Variants in TLN2 observed in about 807,000 individuals in gnomAD.
TLN2 encodes the protein talin 2.
In TLN2, 118 loss-of-function variants were observed where a neutral mutation model predicts 294.7. That is an observed-to-expected ratio of 0.40 (90% CI 0.34 to 0.47). The LOEUF (loss-of-function observed/expected upper bound fraction) is 0.47, where lower values mean the gene tolerates loss of function less well. Ranked by LOEUF, TLN2 falls within the 20% of genes least tolerant of loss-of-function variation. The probability of loss-of-function intolerance (pLI) is 0.84; values close to 1 mark genes in which losing one functional copy is unlikely to be tolerated. For missense variants in TLN2, 3,083 were observed against 3,282.2 expected (o/e 0.94, Z 1.48); for synonymous variants, 1,431 against 1,304.5 (o/e 1.10, Z -2.09).
intron 28 of TLN2, among the ~76,000 whole-genome samples, chr15:62,729,961 C>A (rs1029290961): frequency 1.3e-5 from 2 of 151,086 alleles, no homozygotes; most frequent in Non-Finnish European, 2.9e-5. Context: ...TTACCTCTTC[C>A]TGCATAATGC....
rs551939398 is a variant in TLN2, at chr15:62,843,630, A to C, written c.*3020A>C. ...ACCCTTCGAGCTTCTTCTGATTCTC[A>C]CCTGCTTGCTTTCTGGCTGTCTTAG... On this transcript the variant is annotated 3_prime_UTR_variant, in exon 59 of 59. Coordinates refer to ENST00000636159, the MANE Select transcript of TLN2 (RefSeq NM_015059.3). 6.6e-6 allele frequency: 1 copy of C among 152,362 alleles called. No individual in the cohort carries two copies. Among genetic ancestry groups the C allele is most frequent in the Non-Finnish European group, 1.5e-5 (1 of 68,072 alleles). 9.4% of individuals were successfully genotyped at this position (152,362 alleles called of 1,614,324 possible).
intron 11 of TLN2, among the ~76,000 whole-genome samples, chr15:62,682,622 A>C (rs2056935019): frequency 2.6e-5 from 4 of 152,192 alleles, no homozygotes; most frequent in Admixed American, 2.6e-4. Context: ...AAATAAGTTA[A>C]TACAGAAAAA....
At chr15:62,681,461 G>A (rs1288570764) in intron 11 of TLN2, among the ~76,000 whole-genome samples, 1 of 152,120 alleles carries the variant, frequency 6.6e-6, no homozygotes, top group Non-Finnish European at 1.5e-5. Context: ...GGTTTCATGT[G>A]CTTAGAGCTG....
chr15:62,702,052 A>G lies in TLN2; in HGVS notation c.1757A>G (p.Asn586Ser). 7 of 1,614,132 alleles carry G rather than the reference A, an allele frequency of 4.3e-6. No individual in the cohort carries two copies. The highest frequency in any genetic ancestry group is 4.5e-5 in the East Asian group (2 of 44,882). The change falls in exon 18 of 59, where the codon AAC becomes AGC. Residue 586 changes from asparagine (N) to serine (S), a missense_variant. Asn to Ser is a conservative substitution (Grantham distance 46). Coordinates refer to ENST00000636159, the MANE Select transcript of TLN2 (RefSeq NM_015059.3). ...VGCAITTISS[N>S]LTEMSKGVKL... ...TGTGCGATCACCACTATTTCTTCCA[A>G]CCTGACGGAGATGTCCAAGGGTGTG...
intron 5 of TLN2, among the ~76,000 whole-genome samples, chr15:62,650,477 A>G (rs1021685986): frequency 1.3e-5 from 2 of 152,210 alleles, no homozygotes; most frequent in African/African-American, 4.8e-5. Flanking sequence ...TATGGAAGAG[A>G]TATTCCTATG....
chr15:62,667,133 T>A (rs190275951), intron 9 of TLN2, among the ~76,000 whole-genome samples: 2 of 151,938 alleles, frequency 1.3e-5, no homozygotes, highest in African/African-American at 4.8e-5. Flanking sequence ...GCCCGGCTAA[T>A]TTTTTGTATT....
intron 1 of TLN2, among the ~76,000 whole-genome samples, chr15:62,452,108 C>T (rs537708040): frequency 6.6e-6 from 1 of 151,350 alleles, no homozygotes; most frequent in Admixed American, 6.6e-5. Context: ...TTTCTTAGAG[C>T]TGAGCATGGG....
intron 19 of TLN2, among the ~76,000 whole-genome samples, chr15:62,706,088 C>A (rs1461938067): frequency 6.6e-6 from 1 of 152,182 alleles, no homozygotes; most frequent in African/African-American, 2.4e-5. Context: ...CATTTAGAAT[C>A]AAATGTGCTC....
chr15:62,763,560 C>T lies in TLN2; in HGVS notation c.4962-3C>T. 1 of 1,603,692 alleles carries T rather than the reference C, an allele frequency of 6.2e-7. No homozygotes were observed. The highest frequency in any genetic ancestry group is 1.1e-5 in the South Asian group (1 of 90,608). On this transcript the variant is annotated splice_polypyrimidine_tract_variant and splice_region_variant and intron_variant, in intron 39 of 58. Coordinates refer to ENST00000636159, the MANE Select transcript of TLN2 (RefSeq NM_015059.3). Reference sequence around the variant, plus strand: ...TGTGTCCAACTTGCACTATTCCTTCCAGGGACAAGGCCCCTGGACAGAGGG... The same window carrying T: ...TGTGTCCAACTTGCACTATTCCTTCTAGGGACAAGGCCCCTGGACAGAGGG...
At chr15:62,453,677 C>T (rs944504088) in intron 1 of TLN2, 7 of 152,252 alleles carry the variant, frequency 4.6e-5, no homozygotes, top group Non-Finnish European at 7.4e-5. Context: ...TTTGGTGGTA[C>T]TTTGAATCAG....
At position 62,708,575 on chromosome 15, in the gene TLN2, C is replaced by A; in HGVS notation, c.2246C>A (p.Ser749Ter). ...LIEAGKLVDR[S>*]VENCVRACQA... ...GAAGCAGGGAAGCTGGTGGACCGCTCGGTGGAGAACTGTGTCCGTGCCTGC... is the reference window on the plus strand; with the variant it reads ...GAAGCAGGGAAGCTGGTGGACCGCTAGGTGGAGAACTGTGTCCGTGCCTGC... The change falls in exon 21 of 59, where the codon TCG becomes TAG. Residue 749 changes from serine (S) to a stop codon, truncating the protein, a stop_gained. Transcript: ENST00000636159. LOFTEE classifies it high-confidence loss of function. 1 of 1,614,150 alleles carries A rather than the reference C, an allele frequency of 6.2e-7. No individual in the cohort carries two copies. Among genetic ancestry groups the A allele is most frequent in the Non-Finnish European group, 8.5e-7 (1 of 1,180,030 alleles).
At chr15:62,809,867 G>T in intron 51 of TLN2, 58 bp from the exon 52 acceptor site, 1 of 1,540,076 alleles carries the variant, frequency 6.5e-7, no homozygotes, top group South Asian at 1.2e-5. Flanking sequence ...CTGAGTCTGG[G>T]ACTGCCCAAT....
chr15:62,689,846 CTTTTTTTTTTTTTTTTT>C (rs1158144919), intron 12 of TLN2, among the ~76,000 whole-genome samples: 6 of 15,414 alleles, frequency 3.9e-4, no homozygotes, highest in Admixed American at 1.6e-3. Context: ...GTATGGGCTT[CTTTTTTTTTTTTTTTTT>C]TTTTTTTTTT....
At chr15:62,398,075 T>A (rs1389295967) in intron 1 of TLN2, among the ~76,000 whole-genome samples, 1 of 152,218 alleles carries the variant, frequency 6.6e-6, no homozygotes, top group African/African-American at 2.4e-5. Context: ...TTTGGCTGTG[T>A]ACCCATGCAG....
chr15:62,829,518 T>A (rs2141237995), intron 54 of TLN2: 1 of 152,216 alleles, frequency 6.6e-6, no homozygotes, highest in African/African-American at 2.4e-5. Flanking sequence ...ATGTGGGGAT[T>A]ATGGGAGCTA....
At chr15:62,516,374 A>T (rs1319771479) in intron 1 of TLN2, among the ~76,000 whole-genome samples, 14 of 152,332 alleles carry the variant, frequency 9.2e-5, no homozygotes, top group East Asian at 7.7e-4. Context: ...CAGTGTTTTT[A>T]TATGGGTCAT....
intron 12 of TLN2, among the ~76,000 whole-genome samples, chr15:62,692,330 G>A (rs1257834334): frequency 6.6e-6 from 1 of 152,184 alleles, no homozygotes; most frequent in African/African-American, 2.4e-5. Context: ...AAAAGGGTCA[G>A]ACCATCCACC....
chr15:62,764,110 A>G (rs2062844096), intron 40 of TLN2, among the ~76,000 whole-genome samples: 2 of 152,162 alleles, frequency 1.3e-5, no homozygotes, highest in African/African-American at 2.4e-5. Flanking sequence ...TCAGCATTAA[A>G]CGAATGCATT....
chr15:62,825,813 T>TA (rs1555521956), intron 54 of TLN2, among the ~76,000 whole-genome samples: 41 of 3,184 alleles, frequency 0.013, 3 homozygotes, highest in East Asian at 0.089. Context: ...ATATATTATA[T>TA]TATAATATAT....
Sources: gnomAD v4.1 joint callset for allele counts (sites outside exome capture counted in the v4.1 genomes callset) on GRCh38, gnomAD v4.1.1 for gene constraint, MANE v1.5 for transcripts, NCBI Gene and HGNC (gene_info 2026-07-23, HGNC 2026-07-21) for gene names.